The following SSH2 variants were observed in gnomAD, a reference collection of about 807,000 sequenced individuals.
SSH2 encodes protein phosphatase Slingshot homolog 2.
In SSH2, 37 loss-of-function variants were observed where a neutral mutation model predicts 135.2. That is an observed-to-expected ratio of 0.27 (90% CI 0.21 to 0.36). SSH2 has a LOEUF of 0.36. SSH2 is among the 10% of genes least tolerant of loss of function. The probability of loss-of-function intolerance (pLI) is 1.00; values close to 1 mark genes in which losing one functional copy is unlikely to be tolerated. For missense variants in SSH2, 1,408 were observed against 1,765.3 expected (o/e 0.80, Z 3.63); for synonymous variants, 628 against 646.2 (o/e 0.97, Z 0.43).
At chr17:29,662,031 C>T (rs922086009) in intron 11 of SSH2, among the ~76,000 whole-genome samples, 19 of 152,174 alleles carry the variant, frequency 1.2e-4, no homozygotes, top group African/African-American at 3.6e-4. Context: ...ATTTCCCCCC[C>T]GCCCATGCTT....
rs764661599 is a variant in SSH2 at position 29,632,184 on chromosome 17, C to T, written c.3010G>A (p.Gly1004Arg). Reference protein sequence around the residue: ...DPQEGPGSDTGTQQEGVLKDL... With the variant: ...DPQEGPGSDTRTQQEGVLKDL... Reference sequence around the variant, plus strand: ...TTCAGGACTCCTTCCTGCTGTGTTCCAGTATCTGACCCTGGGCCCTCCTGA... The same window carrying T: ...TTCAGGACTCCTTCCTGCTGTGTTCTAGTATCTGACCCTGGGCCCTCCTGA... Residue 1004 changes from glycine to arginine, a missense_variant, in exon 16 of 16, where the codon GGA (glycine) becomes AGA (arginine). Gly to Arg is a moderately radical substitution (Grantham distance 125, BLOSUM62 -2). Transcript: ENST00000540801. The T allele has an allele frequency of 6.8e-6, 11 of 1,613,856 alleles. No individual in the cohort carries two copies. In the South Asian group the frequency reaches 8.8e-5, roughly 13 times the overall value.
At chr17:29,760,987 AC>A (rs1411995944) in intron 3 of SSH2, 46 of 614,340 alleles carry the variant, frequency 7.5e-5, no homozygotes, top group Non-Finnish European at 1.1e-4. Flanking sequence ...CCACCGTTCT[AC>A]CCCAGCATCC....
At chr17:29,739,946 G>A (rs1279492648) in intron 3 of SSH2, among the ~76,000 whole-genome samples, 2 of 152,218 alleles carry the variant, frequency 1.3e-5, no homozygotes, top group Non-Finnish European at 2.9e-5. Context: ...GAAACAGCTA[G>A]TGATTTTTCT....
At chr17:29,675,870 T>C (rs1183637523) in intron 8 of SSH2, 2 of 152,082 alleles carry the variant, frequency 1.3e-5, no homozygotes, top group African/African-American at 4.8e-5. Flanking sequence ...TAAGAAATAC[T>C]CTCAGGGCAG....
At chr17:29,848,983 C>A in intron 1 of SSH2, 54 bp from the exon 2 acceptor site, 1 of 1,254,056 alleles carries the variant, frequency 8.0e-7, no homozygotes, top group Admixed American at 2.0e-5. Context: ...CCCATAAGCA[C>A]GAGGGGAAAA....
chr17:29,636,631 G>C lies in SSH2; in HGVS notation c.1599C>G (p.Val533=). The C allele has an allele frequency of 6.2e-7, 1 of 1,614,168 alleles. No individual in the cohort carries two copies. Among genetic ancestry groups the C allele is most frequent in the Non-Finnish European group, 8.5e-7 (1 of 1,180,038 alleles). ...TMESHPPIPP[V]FVEHMVPQDA... ...CTTGTGGGACCATATGTTCCACAAA[G>C]ACAGGAGGTATGGGTGGGTGACTCT... The change falls in exon 15 of 16, where the codon GTC becomes GTG. Residue 533 remains valine (V), a synonymous_variant. Transcript: ENST00000540801.
intron 5 of SSH2, among the ~76,000 whole-genome samples, chr17:29,690,506 C>T (rs1013951490): frequency 6.6e-6 from 1 of 151,746 alleles, no homozygotes; most frequent in Non-Finnish European, 1.5e-5. Context: ...AATTAATTAC[C>T]CCCAGTAAAC....
chr17:29,707,550 G>C (rs1211759300), intron 3 of SSH2, among the ~76,000 whole-genome samples: 1 of 150,688 alleles, frequency 6.6e-6, no homozygotes, highest in Non-Finnish European at 1.5e-5. Context: ...TTTTGAGATG[G>C]AGTCTTGCTC....
Position 29,888,779 on chromosome 17 carries a change from T to TAA in SSH2, c.64-39852_64-39851dup, listed in dbSNP as rs869310143. ...CAAAATCACATCCCTACAAAAAACT[T>TAA]AAAAAAAAAAAAAAAGCCAGGCGTG... is the stretch of plus-strand genomic sequence containing the variant. On this transcript the variant is annotated intron_variant, in intron 1 of 15. Coordinates refer to ENST00000540801, the MANE Select transcript of SSH2 (RefSeq NM_001282129.2). Among the ~76,000 whole-genome samples the TAA allele has an allele frequency of 1.2e-3, 137 of 118,404 alleles. 1 individual carries two copies. The highest frequency in any genetic ancestry group is 4.4e-3 in the Middle Eastern group (1 of 228). The allele number at this position is 118,404 out of a possible 152,430, so 77.7% of individuals were successfully genotyped here.
chr17:29,888,931 CAAAAAAAA>C (rs1175371440), intron 1 of SSH2, among the ~76,000 whole-genome samples: 6 of 42,082 alleles, frequency 1.4e-4, no homozygotes, highest in African/African-American at 2.4e-4. Flanking sequence ...GACACTATCT[CAAAAAAAA>C]AAAAAAAAAA....
At chr17:29,672,163 A>G (rs2037522331) in intron 8 of SSH2, 34 bp from the exon 9 acceptor site, 1 of 1,572,186 alleles carries the variant, frequency 6.4e-7, no homozygotes. Context: ...GCACCATAGA[A>G]CTGTGGGGTG....
chr17:29,863,064 ATTG>A (rs2065791594), intron 1 of SSH2, among the ~76,000 whole-genome samples: 2 of 150,112 alleles, frequency 1.3e-5, no homozygotes, highest in Non-Finnish European at 3.0e-5. Flanking sequence ...TTTAAAAAGG[ATTG>A]TTTTTTTTTT....
intron 3 of SSH2, among the ~76,000 whole-genome samples, chr17:29,730,105 G>C (rs931084950): frequency 2.0e-5 from 3 of 152,012 alleles, no homozygotes; most frequent in African/African-American, 7.2e-5. Context: ...CAAATGGCTT[G>C]AGCTCAGGAG....
intron 2 of SSH2, among the ~76,000 whole-genome samples, chr17:29,829,329 T>C (rs768429728): frequency 2.2e-4 from 34 of 152,338 alleles, no homozygotes; most frequent in Non-Finnish European, 4.6e-4. Flanking sequence ...ACTAGGGTCA[T>C]ATACATTCCT....
intron 4 of SSH2, among the ~76,000 whole-genome samples, chr17:29,700,900 C>A (rs1012642187): frequency 6.6e-6 from 1 of 152,176 alleles, no homozygotes; most frequent in Non-Finnish European, 1.5e-5. Flanking sequence ...AGCAATTCTC[C>A]TGCCTCAGCC....
intron 6 of SSH2, among the ~76,000 whole-genome samples, chr17:29,678,717 T>TTTA (rs1555610358): frequency 1.4e-5 from 2 of 141,812 alleles, no homozygotes; most frequent in African/African-American, 5.3e-5. Flanking sequence ...CTATTTCTTT[T>TTTA]TTTTTTTTTT....
At chr17:29,691,689 G>C (rs939642951) in intron 5 of SSH2, among the ~76,000 whole-genome samples, 1 of 151,304 alleles carries the variant, frequency 6.6e-6, no homozygotes, top group Non-Finnish European at 1.5e-5. Context: ...ACGGGGTTTC[G>C]CCGTGTTAGC....
chr17:29,881,886 TC>T (rs2066144303), intron 1 of SSH2, among the ~76,000 whole-genome samples: 1 of 152,114 alleles, frequency 6.6e-6, no homozygotes, highest in Non-Finnish European at 1.5e-5. Context: ...CTTGAAAATT[TC>T]CCCAAAACTT....
At chr17:29,676,476 C>T in intron 8 of SSH2, 1 of 203,128 alleles carries the variant, frequency 4.9e-6, no homozygotes, top group South Asian at 8.2e-5. Context: ...TAATGCATAG[C>T]AATGTGATGT....
Sources: allele counts gnomAD v4.1 joint callset (sites outside exome capture counted in the v4.1 genomes callset), GRCh38; gene constraint gnomAD v4.1.1; transcripts MANE v1.5; gene names NCBI Gene and HGNC (gene_info 2026-07-23, HGNC 2026-07-21).